BCAS3: variants seen among roughly 807,000 people sequenced by gnomAD.
The protein encoded by BCAS3 is BCAS3 microtubule associated cell migration factor.
In BCAS3, 53 loss-of-function variants were observed where a neutral mutation model predicts 116.1. The ratio of observed to expected loss-of-function variants is 0.46; its 90% CI spans 0.37 to 0.57. The LOEUF is 0.57. Among genes scored for constraint, BCAS3 ranks in the 20% least tolerant of loss-of-function variants. BCAS3 has a pLI of 0.00. For synonymous variants in BCAS3, 391 were observed against 408.2 expected, an observed-to-expected ratio of 0.96 and a Z score of 0.51; for missense variants, 917 against 1,165.4, an observed-to-expected ratio of 0.79 and a Z score of 3.10.
rs539379056 is a variant in BCAS3 at position 61,314,349 on chromosome 17, C to T, written c.2426-53978C>T. On this transcript the variant is annotated intron_variant, in intron 22 of 23. Coordinates refer to ENST00000407086, the MANE Select transcript of BCAS3 (RefSeq NM_017679.5). ...AAGATACTGAGGCAGGGAGTGTAAACAGTGCCCACAGAGCTGACAAGTACA... is the reference window on the plus strand; with the variant it reads ...AAGATACTGAGGCAGGGAGTGTAAATAGTGCCCACAGAGCTGACAAGTACA... Among the ~76,000 whole-genome samples the T allele has an allele frequency of 7.9e-5, 12 of 152,324 alleles. No homozygotes were observed. In the South Asian group the frequency reaches 2.5e-3, roughly 32 times the overall value.
chr17:60,716,678 G>A (rs1598265341), intron 5 of BCAS3, among the ~76,000 whole-genome samples: 1 of 150,978 alleles, frequency 6.6e-6, no homozygotes, highest in South Asian at 2.1e-4. Context: ...GTGCACCACT[G>A]CACGCCAGCC....
Position 61,041,384 on chromosome 17 carries a change from A to AAG in BCAS3, c.2029+492_2029+493insAG, listed in dbSNP as rs1243427773. ...TTTGTTAATTTGTTTGTTTACTTAT[A>AAG]TGTTTAAGCGTGAGCATTTGTAGAG... is the stretch of plus-strand genomic sequence containing the variant. On this transcript the variant is annotated intron_variant, in intron 19 of 23. Coordinates refer to ENST00000407086, the MANE Select transcript of BCAS3 (RefSeq NM_017679.5). This position sits in a 1 kb window ranked among gnomAD's most constrained non-coding sequence, Gnocchi z 4.7. Among the ~76,000 whole-genome samples the AAG allele has an allele frequency of 6.6e-6, 1 of 152,200 alleles. No homozygotes were observed. Among genetic ancestry groups the AAG allele is most frequent in the African/African-American group, 2.4e-5 (1 of 41,464 alleles).
intron 4 of BCAS3, 49 bp from the exon 5 acceptor site, chr17:60,709,170 G>T: frequency 1.1e-6 from 1 of 896,432 alleles, no homozygotes; most frequent in South Asian, 1.4e-5. Flanking sequence ...TTTCTTGATT[G>T]CCATTATGTC....
intron 4 of BCAS3, among the ~76,000 whole-genome samples, chr17:60,695,119 A>ATTTTTT (rs61173709): frequency 7.7e-6 from 1 of 129,166 alleles, no homozygotes; most frequent in Non-Finnish European, 1.6e-5. Flanking sequence ...TATATACCAC[A>ATTTTTT]TTTTTTTTTT....
In BCAS3 at chr17:61,095,480, G is replaced by T. The variant is rs921534340; in HGVS notation, c.2425+10916G>T. 1.3e-5 allele frequency among the ~76,000 whole-genome samples: 2 copies of T among 151,512 alleles called. No individual in the cohort carries two copies. Among genetic ancestry groups the T allele is most frequent in the African/African-American group, 4.8e-5 (2 of 41,274 alleles). On this transcript the variant is annotated intron_variant, in intron 22 of 23. Coordinates refer to ENST00000407086, the MANE Select transcript of BCAS3 (RefSeq NM_017679.5). The surrounding 1 kb of genome is among the most constrained non-coding windows in gnomAD (Gnocchi z 4.7). ...TTTTTGTTGTTGTTGTCGTTTGTTT[G>T]TTTTTTTGAGACAACCTCACTTTGT...
chr17:61,266,924 C>T (rs2049773675), intron 22 of BCAS3, among the ~76,000 whole-genome samples: 1 of 152,214 alleles, frequency 6.6e-6, no homozygotes. Context: ...GCCAGACATG[C>T]ACTATCTCTG....
In BCAS3 at chr17:61,026,420, A is replaced by G. The variant is rs2066250203; in HGVS notation, c.1638-8246A>G. Reference sequence around the variant, plus strand: ...TTTCTGTGGTTCTGAGACTGGAACCAGTGAAAAGCAGACAATTCATATCAA... The same window carrying G: ...TTTCTGTGGTTCTGAGACTGGAACCGGTGAAAAGCAGACAATTCATATCAA... On this transcript the variant is annotated intron_variant, in intron 16 of 23. Transcript: ENST00000407086. The surrounding 1 kb of genome is among the most constrained non-coding windows in gnomAD (Gnocchi z 5.0). Among the ~76,000 whole-genome samples, 1 of 152,068 alleles carries G rather than the reference A, an allele frequency of 6.6e-6. No homozygotes were observed. Among genetic ancestry groups the G allele is most frequent in the African/African-American group, 2.4e-5 (1 of 41,424 alleles).
intron 18 of BCAS3, among the ~76,000 whole-genome samples, chr17:61,039,282 C>G (rs2067311106): frequency 6.6e-6 from 1 of 152,186 alleles, no homozygotes; most frequent in South Asian, 2.1e-4. Flanking sequence ...GAATTTCACT[C>G]CTTTTTATGG....
At chr17:61,174,769 C>G (rs779826067) in intron 22 of BCAS3, among the ~76,000 whole-genome samples, 7 of 152,106 alleles carry the variant, frequency 4.6e-5, no homozygotes, top group Non-Finnish European at 8.8e-5. Flanking sequence ...CAAAGAGATT[C>G]TCTTCCCTGC....
At position 61,141,922 on chromosome 17, in the gene BCAS3, TTAG is replaced by T. The variant is rs2076944546; in HGVS notation, c.2425+57359_2425+57361del. Among the ~76,000 whole-genome samples, 1 of 10,880 alleles carries T rather than the reference TTAG, an allele frequency of 9.2e-5. No homozygotes were observed. Among genetic ancestry groups the T allele is most frequent in the African/African-American group, 1.1e-4 (1 of 9,120 alleles). 7.1% of individuals were successfully genotyped at this position (10,880 alleles called of 152,430 possible). A position where few individuals can be genotyped will look rare whatever the true frequency, so the allele number is the denominator to read the frequency against. ...CTCAAGAAAAAAAAAAAAAAAAAAG[TTAG>T]ACAATTATACAGAGATACTCAAGTT... On this transcript the variant is annotated intron_variant, in intron 22 of 23. Transcript: ENST00000407086. The surrounding 1 kb of genome is among the most constrained non-coding windows in gnomAD (Gnocchi z 4.3).
At chr17:61,110,626 A>C (rs1457550105) in intron 22 of BCAS3, among the ~76,000 whole-genome samples, 886 of 142,570 alleles carry the variant, frequency 6.2e-3, no homozygotes, top group South Asian at 8.3e-3. Context: ...CTAGCACAGC[A>C]GTCTGAGATC....
chr17:60,728,477 A>T (rs1010212428), intron 5 of BCAS3, among the ~76,000 whole-genome samples: 2 of 151,694 alleles, frequency 1.3e-5, no homozygotes, highest in South Asian at 2.1e-4. Context: ...TTTTATTTTT[A>T]TTTTATTTTA....
intron 22 of BCAS3, among the ~76,000 whole-genome samples, chr17:61,289,736 A>G (rs1201465950): frequency 6.6e-6 from 1 of 152,248 alleles, no homozygotes; most frequent in Non-Finnish European, 1.5e-5. Context: ...AAATAAAAAA[A>G]AAATGATGAT....
At chr17:61,385,931 C>T (rs1452054593) in intron 23 of BCAS3, among the ~76,000 whole-genome samples, 3 of 152,180 alleles carry the variant, frequency 2.0e-5, no homozygotes, top group Non-Finnish European at 4.4e-5. Flanking sequence ...TTCCCAAGCT[C>T]CGGTGGAAGC....
chr17:60,809,746 G>A (rs1351237688), intron 7 of BCAS3, among the ~76,000 whole-genome samples: 1 of 152,160 alleles, frequency 6.6e-6, no homozygotes, highest in African/African-American at 2.4e-5. Flanking sequence ...CATGAAAAAG[G>A]GTCCAGGGGG....
intron 22 of BCAS3, among the ~76,000 whole-genome samples, chr17:61,242,904 A>G (rs1158329668): frequency 1.3e-5 from 2 of 151,610 alleles, no homozygotes; most frequent in Non-Finnish European, 2.9e-5. Context: ...ACAAAAAGCT[A>G]TACACTTTTT....
rs34301859 is a variant in BCAS3, at chr17:61,201,759, C to CTTTT, written c.2425+117209_2425+117212dup. 3.9e-3 allele frequency among the ~76,000 whole-genome samples: 549 copies of CTTTT among 142,190 alleles called. 4 individuals are homozygous for CTTTT. Among genetic ancestry groups the CTTTT allele is most frequent in the South Asian group, 0.025 (109 of 4,426 alleles). 93.3% of individuals were successfully genotyped at this position (142,190 alleles called of 152,430 possible). ...AGAAAGGTAAGGGAAAGGAAACTAA[C>CTTTT]TTTTTTTTTTTTTTTTTGAGACAGG... is the stretch of plus-strand genomic sequence containing the variant. On this transcript the variant is annotated intron_variant, in intron 22 of 23. Transcript: ENST00000407086.
chr17:61,380,093 C>G lies in BCAS3; in HGVS notation c.2593+11599C>G, dbSNP rs749114821. 2 of 190,938 alleles carry G rather than the reference C, an allele frequency of 1.0e-5. No homozygotes were observed. Among genetic ancestry groups the G allele is most frequent in the Admixed American group, 5.4e-5 (1 of 18,382 alleles). 11.8% of individuals were successfully genotyped at this position (190,938 alleles called of 1,614,324 possible). On this transcript the variant is annotated intron_variant, in intron 23 of 23. Coordinates refer to ENST00000407086, the MANE Select transcript of BCAS3 (RefSeq NM_017679.5). This position sits in a 1 kb window ranked among gnomAD's most constrained non-coding sequence, Gnocchi z 4.2. ...AGTGCCCTTGAGCTGGTCTTTGTGA[C>G]CTTTCTCTAAGCAGCCCAACCACAC...
At chr17:60,782,026 A>G (rs965576747) in intron 6 of BCAS3, among the ~76,000 whole-genome samples, 4 of 152,236 alleles carry the variant, frequency 2.6e-5, no homozygotes, top group African/African-American at 9.6e-5. Context: ...CAACTGAGCT[A>G]GAAATCAGAT....
Sources: allele counts gnomAD v4.1 joint callset (sites outside exome capture counted in the v4.1 genomes callset), GRCh38; gene constraint gnomAD v4.1.1; non-coding constraint Gnocchi (gnomAD v3.1); transcripts MANE v1.5; gene names NCBI Gene and HGNC (gene_info 2026-07-23, HGNC 2026-07-21).